GSTCD: variants seen among roughly 807,000 people sequenced by gnomAD.
GSTCD encodes glutathione S-transferase C-terminal domain containing, also known as glutathione S-transferase C-terminal domain-containing protein.
In GSTCD, 44 loss-of-function variants were observed where a neutral mutation model predicts 68.3. The ratio of observed to expected loss-of-function variants is 0.64; its 90% CI spans 0.51 to 0.83. GSTCD has a LOEUF of 0.83. Among genes scored for constraint, GSTCD ranks in the 40% least tolerant of loss-of-function variants. The pLI is 0.00. For synonymous variants in GSTCD, 273 were observed against 255.2 expected, an observed-to-expected ratio of 1.07 and a Z score of -0.67; for missense variants, 739 against 735.9, an observed-to-expected ratio of 1.00 and a Z score of -0.05.
chr4:105,741,966 G>A (rs1282836136), intron 5 of GSTCD, among the ~76,000 whole-genome samples: 1 of 152,134 alleles, frequency 6.6e-6, no homozygotes, highest in Non-Finnish European at 1.5e-5. Context: ...GGGGTATGGA[G>A]GATCACTGTG....
chr4:105,714,356 A>G (rs1329326629), intron 1 of GSTCD, among the ~76,000 whole-genome samples: 2 of 152,180 alleles, frequency 1.3e-5, no homozygotes, highest in Non-Finnish European at 2.9e-5. Context: ...GTGCCGCAGA[A>G]GCCCTGGAGA....
chr4:105,726,629 AGC>A lies in GSTCD; in HGVS notation c.946_947del (p.Ala316LeufsTer18). 1 of 1,612,336 alleles carries A rather than the reference AGC, an allele frequency of 6.2e-7. No homozygotes were observed. Among genetic ancestry groups the A allele is most frequent in the Non-Finnish European group, 8.5e-7 (1 of 1,178,858 alleles). ...SEKLVEFPLL[A>X]SWYQRIQEVP... ...AGAAGCTGGTAGAATTTCCATTGCTAGCCTCTTGGTACCAGAGGATTCAGGAA... is the reference window on the plus strand; with the variant it reads ...AGAAGCTGGTAGAATTTCCATTGCTACTCTTGGTACCAGAGGATTCAGGAA... On this transcript the variant is annotated frameshift_variant, in exon 4 of 12. Transcript: ENST00000515279. LOFTEE classifies it high-confidence loss of function.
intron 5 of GSTCD, among the ~76,000 whole-genome samples, chr4:105,747,657 A>T (rs531613041): frequency 1.3e-5 from 2 of 152,318 alleles, no homozygotes; most frequent in Non-Finnish European, 2.9e-5. Flanking sequence ...GCCATTTGCT[A>T]ACTATAAGAA....
chr4:105,804,680 A>G (rs933577409), intron 5 of GSTCD, among the ~76,000 whole-genome samples: 35 of 152,106 alleles, frequency 2.3e-4, no homozygotes, highest in Admixed American at 1.8e-3. Flanking sequence ...CATGTGCAGT[A>G]TACGCAGGTT....
intron 5 of GSTCD, among the ~76,000 whole-genome samples, chr4:105,762,908 C>T (rs903932117): frequency 1.3e-5 from 2 of 152,128 alleles, no homozygotes; most frequent in African/African-American, 2.4e-5. Context: ...ACTTAATTCT[C>T]CCCAGACAAG....
intron 5 of GSTCD, among the ~76,000 whole-genome samples, chr4:105,740,771 A>G (rs1245770884): frequency 6.6e-6 from 1 of 152,100 alleles, no homozygotes; most frequent in Non-Finnish European, 1.5e-5. Context: ...CAACTCTCCA[A>G]CATGCTGGGA....
At chr4:105,739,933 G>A (rs1408299027) in intron 5 of GSTCD, among the ~76,000 whole-genome samples, 1 of 152,120 alleles carries the variant, frequency 6.6e-6, no homozygotes, top group East Asian at 1.9e-4. Flanking sequence ...CTGTGAGTGG[G>A]GGCTAGGAGG....
chr4:105,763,741 A>T (rs780075143), intron 5 of GSTCD, among the ~76,000 whole-genome samples: 4 of 152,224 alleles, frequency 2.6e-5, no homozygotes, highest in Non-Finnish European at 5.9e-5. Flanking sequence ...GTTATGTTAC[A>T]TTAAAGTTTG....
At chr4:105,752,940 G>A (rs1365746844) in intron 5 of GSTCD, among the ~76,000 whole-genome samples, 1 of 151,922 alleles carries the variant, frequency 6.6e-6, no homozygotes, top group Non-Finnish European at 1.5e-5. Context: ...AGTTGTGTGG[G>A]GCCATTTTAA....
rs1367157360 is a variant in GSTCD, at chr4:105,731,328, G to T, written c.1240+1829G>T. Among the ~76,000 whole-genome samples the T allele has an allele frequency of 3.9e-5, 6 of 152,124 alleles. No individual in the cohort carries two copies. In the East Asian group the frequency reaches 9.6e-4, roughly 24 times the overall value. ...TCTATAAATTACCTTGGGCAGTATGGCCATTTTCACAATATTGATTCTTCC... is the reference window on the plus strand; with the variant it reads ...TCTATAAATTACCTTGGGCAGTATGTCCATTTTCACAATATTGATTCTTCC... On this transcript the variant is annotated intron_variant, in intron 5 of 11. Transcript: ENST00000515279.
chr4:105,714,558 G>T (rs1732629822), intron 1 of GSTCD, among the ~76,000 whole-genome samples: 1 of 150,706 alleles, frequency 6.6e-6, no homozygotes, highest in African/African-American at 2.4e-5. Context: ...CATCACATTT[G>T]TACAGGTTTA....
rs115583455 is a variant in GSTCD at position 105,781,542 on chromosome 4, C to T, written c.1241-41412C>T. On this transcript the variant is annotated intron_variant, in intron 5 of 11. Transcript: ENST00000515279. ...AAAGTGCCCAATTACAGGCGTGAGTCATCTTTCTCAGCCTAATTTTCCTTT... is the reference window on the plus strand; with the variant it reads ...AAAGTGCCCAATTACAGGCGTGAGTTATCTTTCTCAGCCTAATTTTCCTTT... 5.8e-3 allele frequency among the ~76,000 whole-genome samples: 876 copies of T among 152,058 alleles called. 8 individuals carry two copies. The highest frequency in any genetic ancestry group is 0.02 in the African/African-American group (844 of 41,454).
At chr4:105,780,503 TAA>T (rs1735236692) in intron 5 of GSTCD, among the ~76,000 whole-genome samples, 1 of 152,216 alleles carries the variant, frequency 6.6e-6, no homozygotes, top group Non-Finnish European at 1.5e-5. Context: ...CTGAGCCATA[TAA>T]GAACTGACTG....
intron 10 of GSTCD, among the ~76,000 whole-genome samples, chr4:105,839,740 C>A (rs886968301): frequency 6.6e-6 from 1 of 152,150 alleles, no homozygotes; most frequent in Non-Finnish European, 1.5e-5. Flanking sequence ...AAAAACTAGA[C>A]CCCTGTTTCT....
chr4:105,842,087 T>C lies in GSTCD; in HGVS notation c.1718T>C (p.Phe573Ser), dbSNP rs1049731696. ...TAGGAACACATGATTCTGTGCAGAT[T>C]TGCAGACCAGACAGCTGTCCAGCTC... Reference protein sequence around the residue: ...SYKEHMILCRFADQTAVQLPP... With the variant: ...SYKEHMILCRSADQTAVQLPP... Residue 573 changes from phenylalanine to serine, a missense_variant, in exon 11 of 12, where the codon TTT becomes TCT. Physicochemically the swap from Phe to Ser is radical, Grantham distance 155 (BLOSUM62 -2). Coordinates refer to ENST00000515279, the MANE Select transcript of GSTCD (RefSeq NM_001370181.1). 5.0e-6 allele frequency: 8 copies of C among 1,613,870 alleles called. No homozygotes were observed. Among genetic ancestry groups the C allele is most frequent in the South Asian group, 2.2e-5 (2 of 91,084 alleles).
intron 8 of GSTCD, among the ~76,000 whole-genome samples, chr4:105,830,873 T>C (rs1321836742): frequency 1.3e-5 from 2 of 151,938 alleles, no homozygotes; most frequent in African/African-American, 2.4e-5. Flanking sequence ...AAAGGGAAGA[T>C]AGTGTATAAA....
In GSTCD at chr4:105,717,935, G is replaced by T; in HGVS notation, c.322G>T (p.Val108Leu). 1 of 1,614,044 alleles carries T rather than the reference G, an allele frequency of 6.2e-7. No homozygotes were observed. Among genetic ancestry groups the T allele is most frequent in the South Asian group, 1.1e-5 (1 of 91,082 alleles). The change falls in exon 2 of 12, where the codon GTA becomes TTA. Residue 108 changes from valine (V) to leucine (L), a missense_variant. Physicochemically the swap from Val to Leu is conservative, Grantham distance 32 (BLOSUM62 1). Transcript: ENST00000515279. ...DNFCRAGLAV[V>L]LRHIIQKSYE... ...TTTTTGTAGAGCAGGACTTGCTGTT[G>T]TATTGAGACACATAATCCAGAAATC...
In GSTCD at chr4:105,834,510, G is replaced by C; in HGVS notation, c.1580G>C (p.Cys527Ser). The C allele has an allele frequency of 6.2e-7, 1 of 1,614,114 alleles. No individual in the cohort carries two copies. Among genetic ancestry groups the C allele is most frequent in the Non-Finnish European group, 8.5e-7 (1 of 1,179,968 alleles). Residue 527 changes from cysteine (C) to serine (S), a missense_variant, in exon 9 of 12, where the codon TGT becomes TCT. Physicochemically the swap from Cys to Ser is moderately radical, Grantham distance 112 (BLOSUM62 -1). Coordinates refer to ENST00000515279, the MANE Select transcript of GSTCD (RefSeq NM_001370181.1). ...GCAACAGACATGGTGATTGAGCACT[G>C]TATCAAAACACGGGCTTCCTTCGTC... is the stretch of plus-strand genomic sequence containing the variant. ...GVATDMVIEH[C>S]IKTRASFVTC... is the part of the protein sequence containing the mutation.
At chr4:105,715,456 C>T (rs996264895) in intron 1 of GSTCD, among the ~76,000 whole-genome samples, 10 of 151,842 alleles carry the variant, frequency 6.6e-5, no homozygotes, top group African/African-American at 2.4e-4. Context: ...AAATAATTTT[C>T]CCCCAGATAA....
Sources: allele counts gnomAD v4.1 joint callset (sites outside exome capture counted in the v4.1 genomes callset), GRCh38; gene constraint gnomAD v4.1.1; transcripts MANE v1.5; gene names NCBI Gene and HGNC (gene_info 2026-07-23, HGNC 2026-07-21).